QDPR: variants seen among roughly 807,000 people sequenced by gnomAD.
The protein encoded by QDPR is quinoid dihydropteridine reductase.
In QDPR, 23 loss-of-function variants were observed where a neutral mutation model predicts 31.7. The observed-to-expected ratio is 0.73, with a 90% CI of 0.52 to 1.03. The LOEUF is 1.03. Ranked by LOEUF, QDPR falls within the 50% of genes least tolerant of loss-of-function variation. The pLI is 0.00. For missense variants in QDPR, 324 were observed against 323.8 expected (o/e 1.00, Z 0.00); for synonymous variants, 124 against 124.7 (o/e 0.99, Z 0.03).
At position 17,509,279 on chromosome 4, in the gene QDPR, C is replaced by T. The variant is rs1480794443; in HGVS notation, c.190G>A (p.Ala64Thr). The part of the protein sequence containing the change: ...VKMTDSFTEQ[A>T]DQVTAEVGKL... ...GGCCTTTTTGAAACTACCTGGTCAG[C>T]CTGCTCAGTGAACGAGTCTGTCATT... Residue 64 changes from alanine to threonine, a missense_variant, in exon 2 of 7, where the codon GCT becomes ACT. Ala to Thr is a moderately conservative substitution (Grantham distance 58). Transcript: ENST00000281243. The T allele has an allele frequency of 2.5e-6, 4 of 1,613,878 alleles. No individual in the cohort carries two copies. The highest frequency in any genetic ancestry group is 2.5e-6 in the Non-Finnish European group (3 of 1,179,784).
intron 4 of QDPR, among the ~76,000 whole-genome samples, chr4:17,493,668 G>T (rs1016327464): frequency 1.3e-5 from 2 of 152,112 alleles, no homozygotes; most frequent in Non-Finnish European, 2.9e-5. Context: ...GGTGGGCATG[G>T]AACTTCCACG....
chr4:17,511,936 G>T lies in QDPR; in HGVS notation c.105+14C>A. On this transcript the variant is annotated intron_variant, in intron 1 of 6. Transcript: ENST00000281243. ...CCCCCGCGGAGACCCAGCAGCCCCA[G>T]CCCGCAGCATTACCCAGTTGCGGGC... The T allele has an allele frequency of 6.2e-7, 1 of 1,607,908 alleles. No individual in the cohort carries two copies.
At chr4:17,490,528 C>T in intron 6 of QDPR, 134 bp downstream of exon 6, 1 of 713,880 alleles carries the variant, frequency 1.4e-6, no homozygotes, top group Non-Finnish European at 2.6e-6. Flanking sequence ...GCAATGCATC[C>T]TCAGAGTCCC....
intron 4 of QDPR, 60 bp downstream of exon 4, chr4:17,501,659 A>C: frequency 6.2e-7 from 1 of 1,601,164 alleles, no homozygotes; most frequent in Non-Finnish European, 8.5e-7. Context: ...GAAAGTGCCC[A>C]GCAGCCCCAG....
At chr4:17,493,421 G>A (rs1560308859) in intron 4 of QDPR, among the ~76,000 whole-genome samples, 1 of 152,090 alleles carries the variant, frequency 6.6e-6, no homozygotes, top group Non-Finnish European at 1.5e-5. Context: ...TGATTTAAGG[G>A]CTCAGTCTCA....
rs180890019 is a variant in QDPR, at chr4:17,498,023, A to G, written c.436+3696T>C. On this transcript the variant is annotated intron_variant, in intron 4 of 6. Transcript: ENST00000281243. The stretch of plus-strand genomic sequence containing the variant: ...GAGTCTTTCCTCTTTATGTTCCCCC[A>G]CTGTGCCCAACTGTAGCTGCTCACT... Among the ~76,000 whole-genome samples, 17 of 152,228 alleles carry G rather than the reference A, an allele frequency of 1.1e-4. No individual in the cohort carries two copies. The East Asian group carries it at 2.3e-3, about 21-fold the overall frequency.
rs377430335 is a variant in QDPR at position 17,504,038 on chromosome 4, A to G, written c.295+341T>C. On this transcript the variant is annotated intron_variant, in intron 3 of 6. Coordinates refer to ENST00000281243, the MANE Select transcript of QDPR (RefSeq NM_000320.3). ...AAGGAATCAGCTTTAGTAAAATCTC[A>G]AGTTTGACTTCTTCTGACTTTCTAA... Among the ~76,000 whole-genome samples the G allele has an allele frequency of 6.6e-5, 10 of 152,204 alleles. No individual in the cohort carries two copies. In the East Asian group the frequency reaches 1.4e-3, roughly 21 times the overall value.
chr4:17,490,803 C>A, intron 5 of QDPR, 58 bp from the exon 6 acceptor site: 1 of 1,426,026 alleles, frequency 7.0e-7, no homozygotes, highest in Admixed American at 1.7e-5. Flanking sequence ...CAACAGGTGC[C>A]CAGTCCCCCT....
intron 4 of QDPR, among the ~76,000 whole-genome samples, chr4:17,493,309 C>T (rs539760682): frequency 1.3e-5 from 2 of 152,268 alleles, no homozygotes; most frequent in Admixed American, 1.3e-4. Context: ...CTGGTACATG[C>T]CTGTGGTCCC....
At chr4:17,507,577 T>A (rs1385119827) in intron 2 of QDPR, among the ~76,000 whole-genome samples, 1 of 150,930 alleles carries the variant, frequency 6.6e-6, no homozygotes, top group Non-Finnish European at 1.5e-5. Context: ...TAAGCACTGC[T>A]TAAGAGCATC....
At chr4:17,490,499 C>CT (rs1313500123) in intron 6 of QDPR, 163 bp downstream of exon 6, 2 of 645,162 alleles carry the variant, frequency 3.1e-6, no homozygotes, top group African/African-American at 1.8e-5. Context: ...TCCAGCTACT[C>CT]TGAGATTCCG....
In QDPR at chr4:17,512,048, C is replaced by T. The variant is rs769620717; in HGVS notation, c.7G>A (p.Ala3Thr). 14 of 1,601,418 alleles carry T rather than the reference C, an allele frequency of 8.7e-6. No individual in the cohort carries two copies. In the African/African-American group the frequency reaches 1.9e-4, roughly 22 times the overall value. Residue 3 changes from alanine to threonine, a missense_variant, in exon 1 of 7, where the codon GCG becomes ACG. Ala to Thr is a moderately conservative substitution (Grantham distance 58). Coordinates refer to ENST00000281243, the MANE Select transcript of QDPR (RefSeq NM_000320.3). ...CGCGCCTCGCCTGCAGCCGCCGCCGCCGCCATCCTGCTCCTGCCAGCCCGG... is the reference window on the plus strand; with the variant it reads ...CGCGCCTCGCCTGCAGCCGCCGCCGTCGCCATCCTGCTCCTGCCAGCCCGG... The part of the protein sequence containing the change: MA[A>T]AAAAGEARRV...
chr4:17,492,375 T>C, intron 4 of QDPR, 35 bp from the exon 5 acceptor site: 2 of 1,546,746 alleles, frequency 1.3e-6, no homozygotes, highest in Non-Finnish European at 1.8e-6. Context: ...CAGTGACCAC[T>C]GGCGGCCAGG....
chr4:17,491,237 T>C (rs1718154750), intron 5 of QDPR, among the ~76,000 whole-genome samples: 1 of 152,232 alleles, frequency 6.6e-6, no homozygotes, highest in Non-Finnish European at 1.5e-5. Context: ...CAGATATGCA[T>C]GAATCTCCCA....
rs529161920 is a variant in QDPR at position 17,487,063 on chromosome 4, G to A, written c.*68C>T. ...CAGGGGTTACAGAAAACACAAGGCT[G>A]GACAAGGCCACACTGAGACAGGTTA... On this transcript the variant is annotated 3_prime_UTR_variant, in exon 7 of 7. Transcript: ENST00000281243. 2 of 1,265,392 alleles carry A rather than the reference G, an allele frequency of 1.6e-6. No individual in the cohort carries two copies. Among genetic ancestry groups the A allele is most frequent in the Admixed American group, 1.7e-5 (1 of 59,168 alleles). The allele number at this position is 1,265,392 out of a possible 1,614,324, so 78.4% of individuals were successfully genotyped here. A position where few individuals can be genotyped will look rare whatever the true frequency, so the allele number is the denominator to read the frequency against.
Position 17,499,984 on chromosome 4 carries a change from C to CT in QDPR, c.436+1734dup, listed in dbSNP as rs967604487. Among the ~76,000 whole-genome samples, 414 of 146,220 alleles carry CT rather than the reference C, an allele frequency of 2.8e-3. 2 individuals are homozygous for CT. The highest frequency in any genetic ancestry group is 5.6e-3 in the African/African-American group (227 of 40,188). ...GAGAGTCAAAAAGAGCTCCCCCCAC[C>CT]TTTTTTTTTTTTCTTTTGAGAGGGA... is the stretch of plus-strand genomic sequence containing the variant. On this transcript the variant is annotated intron_variant, in intron 4 of 6. Coordinates refer to ENST00000281243, the MANE Select transcript of QDPR (RefSeq NM_000320.3).
chr4:17,506,586 C>T (rs1434614664), intron 2 of QDPR, among the ~76,000 whole-genome samples: 1 of 152,230 alleles, frequency 6.6e-6, no homozygotes, highest in East Asian at 1.9e-4. Flanking sequence ...ATACCAGGGC[C>T]TTTCTGTGCC....
chr4:17,492,558 C>G (rs1379790483), intron 4 of QDPR: 3 of 584,154 alleles, frequency 5.1e-6, no homozygotes, highest in Non-Finnish European at 9.2e-6. Flanking sequence ...GAATTATGGC[C>G]TCTGGCCAGT....
intron 4 of QDPR, among the ~76,000 whole-genome samples, chr4:17,494,731 C>T (rs879466636): frequency 3.3e-5 from 5 of 152,140 alleles, no homozygotes; most frequent in Non-Finnish European, 5.9e-5. Flanking sequence ...TCTTTTTCCT[C>T]GGACAGCAAT....
Sources: allele counts gnomAD v4.1 joint callset (sites outside exome capture counted in the v4.1 genomes callset), GRCh38; gene constraint gnomAD v4.1.1; transcripts MANE v1.5; gene names NCBI Gene and HGNC (gene_info 2026-07-23, HGNC 2026-07-21).